Variants in PTPRK observed in about 807,000 individuals in gnomAD.
The protein encoded by PTPRK is receptor-type tyrosine-protein phosphatase kappa.
Under a neutral mutation model 178.0 loss-of-function variants are expected in PTPRK, and 75 were observed. The observed-to-expected ratio is 0.42, with a 90% CI of 0.35 to 0.51. PTPRK has a LOEUF of 0.51. Ranked by LOEUF, PTPRK falls within the 20% of genes least tolerant of loss-of-function variation. PTPRK has a pLI of 0.02. For missense variants in PTPRK, 1,441 were observed against 1,797.8 expected, an observed-to-expected ratio of 0.80 and a Z score of 3.59; for synonymous variants, 637 against 620.6, an observed-to-expected ratio of 1.03 and a Z score of -0.39.
intron 2 of PTPRK, among the ~76,000 whole-genome samples, chr6:128,331,156 T>C (rs1289607394): frequency 6.6e-6 from 1 of 152,228 alleles, no homozygotes; most frequent in Non-Finnish European, 1.5e-5. Flanking sequence ...ATTTCATGTA[T>C]GTTGTTCATC....
At chr6:128,005,021 G>A (rs543791004) in intron 15 of PTPRK, 63 bp downstream of exon 15, 189 of 1,396,260 alleles carry the variant, frequency 1.4e-4, no homozygotes, top group South Asian at 6.4e-4. Flanking sequence ...AAAAGGTATC[G>A]TGTAGAATTC....
chr6:128,486,858 AGGG>A (rs1853001875), intron 1 of PTPRK, among the ~76,000 whole-genome samples: 1 of 118,096 alleles, frequency 8.5e-6, no homozygotes. Flanking sequence ...AAAAATAAAA[AGGG>A]AGGGAGGGAG....
At chr6:128,055,747 G>T (rs1329058394) in intron 13 of PTPRK, among the ~76,000 whole-genome samples, 1 of 152,000 alleles carries the variant, frequency 6.6e-6, no homozygotes, top group Non-Finnish European at 1.5e-5. Flanking sequence ...CTATAAGTGT[G>T]TGCCACCATG....
At chr6:128,346,573 C>T (rs534200023) in intron 2 of PTPRK, among the ~76,000 whole-genome samples, 1 of 152,166 alleles carries the variant, frequency 6.6e-6, no homozygotes, top group South Asian at 2.1e-4. Flanking sequence ...AGTGAAAATT[C>T]TATTTCTCTC....
chr6:128,417,795 C>G (rs994891785), intron 1 of PTPRK, among the ~76,000 whole-genome samples: 6 of 152,124 alleles, frequency 3.9e-5, no homozygotes, highest in Non-Finnish European at 8.8e-5. Flanking sequence ...CCCTGAGGAA[C>G]AAGCAGAATT....
intron 6 of PTPRK, among the ~76,000 whole-genome samples, chr6:128,195,649 C>T (rs2128254199): frequency 6.6e-6 from 1 of 152,088 alleles, no homozygotes; most frequent in Non-Finnish European, 1.5e-5. Context: ...CATAGTAAAA[C>T]TAATGGAACA....
rs76433641 is a variant in PTPRK at position 128,377,110 on chromosome 6, T to G, written c.223+20456A>C. On this transcript the variant is annotated intron_variant, in intron 2 of 29. Coordinates refer to ENST00000368226, the MANE Select transcript of PTPRK (RefSeq NM_002844.4). ...CAGTTCCAAATCATTTCCATATTTTTGGGTATCTTTTCACAGCACCTCACT... is the reference window on the plus strand; with the variant it reads ...CAGTTCCAAATCATTTCCATATTTTGGGGTATCTTTTCACAGCACCTCACT... Among the ~76,000 whole-genome samples, 1,468 of 152,318 alleles carry G rather than the reference T, an allele frequency of 9.6e-3. 20 individuals are homozygous for G. Among genetic ancestry groups the G allele is most frequent in the African/African-American group, 0.033 (1,354 of 41,562 alleles).
chr6:128,004,134 T>C (rs963984656), intron 15 of PTPRK, among the ~76,000 whole-genome samples: 1 of 151,834 alleles, frequency 6.6e-6, no homozygotes, highest in African/African-American at 2.4e-5. Flanking sequence ...GTTTCTTTGC[T>C]TATACCCATG....
At chr6:128,077,643 G>T (rs1357383619) in intron 11 of PTPRK, among the ~76,000 whole-genome samples, 1 of 151,956 alleles carries the variant, frequency 6.6e-6, no homozygotes, top group Non-Finnish European at 1.5e-5. Flanking sequence ...AACCAATTAT[G>T]AAGTGCCTAC....
intron 10 of PTPRK, among the ~76,000 whole-genome samples, chr6:128,079,259 G>T (rs1387772282): frequency 6.6e-6 from 1 of 151,988 alleles, no homozygotes; most frequent in South Asian, 2.1e-4. Flanking sequence ...AGAAGACTGG[G>T]CAGTAGTGCT....
At chr6:127,995,078 T>A (rs1776991997) in intron 18 of PTPRK, among the ~76,000 whole-genome samples, 1 of 151,934 alleles carries the variant, frequency 6.6e-6, no homozygotes, top group South Asian at 2.1e-4. Flanking sequence ...GTAAAATAGA[T>A]CTTTACGCAT....
At chr6:128,173,057 T>G (rs1177422505) in intron 7 of PTPRK, among the ~76,000 whole-genome samples, 2 of 151,906 alleles carry the variant, frequency 1.3e-5, no homozygotes, top group African/African-American at 2.4e-5. Context: ...CAACACACAT[T>G]AGCTTACTTG....
intron 7 of PTPRK, among the ~76,000 whole-genome samples, chr6:128,139,010 A>G (rs1232453219): frequency 6.6e-6 from 1 of 152,120 alleles, no homozygotes; most frequent in Non-Finnish European, 1.5e-5. Flanking sequence ...AGTGGAATCT[A>G]TCAGTGAAAG....
chr6:128,267,212 T>A (rs1235211762), intron 3 of PTPRK, among the ~76,000 whole-genome samples: 1 of 152,076 alleles, frequency 6.6e-6, no homozygotes, highest in Admixed American at 6.6e-5. Flanking sequence ...CATAAATGCA[T>A]CTTTAAACAG....
chr6:128,318,277 A>G (rs1401283905), intron 3 of PTPRK, among the ~76,000 whole-genome samples: 1 of 152,164 alleles, frequency 6.6e-6, no homozygotes, highest in African/African-American at 2.4e-5. Flanking sequence ...ACTTGGTTTA[A>G]GCCCCAATCT....
chr6:128,364,327 TCAAA>T (rs1434090235), intron 2 of PTPRK, among the ~76,000 whole-genome samples: 3 of 152,026 alleles, frequency 2.0e-5, no homozygotes, highest in East Asian at 1.9e-4. Context: ...CAAACGGCAT[TCAAA>T]CAATTTTTTT....
intron 13 of PTPRK, among the ~76,000 whole-genome samples, chr6:128,047,507 T>C (rs1352717131): frequency 6.6e-6 from 1 of 152,160 alleles, no homozygotes; most frequent in Non-Finnish European, 1.5e-5. Flanking sequence ...AGGGATACTG[T>C]CTGTTACTGA....
intron 7 of PTPRK, among the ~76,000 whole-genome samples, chr6:128,105,023 A>G (rs12110357): frequency 0.093 from 14,167 of 152,128 alleles, 1,142 homozygotes; most frequent in African/African-American, 0.21. Flanking sequence ...AATGATATTC[A>G]TTTTTAATTG....
intron 3 of PTPRK, among the ~76,000 whole-genome samples, chr6:128,308,685 T>C (rs375400669): frequency 6.6e-6 from 1 of 152,126 alleles, no homozygotes; most frequent in African/African-American, 2.4e-5. Context: ...GCAACCAAGT[T>C]ACAAGTTATG....
Sources: allele counts gnomAD v4.1 joint callset (sites outside exome capture counted in the v4.1 genomes callset), GRCh38; gene constraint gnomAD v4.1.1; transcripts MANE v1.5; gene names NCBI Gene and HGNC (gene_info 2026-07-23, HGNC 2026-07-21).